The following TP73 variants were observed in gnomAD, a reference collection of about 807,000 sequenced individuals.
The protein encoded by TP73 is tumor protein p73.
TP73 carries 25 observed loss-of-function variants against 62.5 expected under a neutral mutation model. That is an observed-to-expected ratio of 0.40 (90% CI 0.29 to 0.56). The LOEUF is 0.56. Ranked by LOEUF, TP73 falls within the 20% of genes least tolerant of loss-of-function variation. The pLI is 0.46. For missense variants in TP73, 754 were observed against 913.3 expected (o/e 0.83, Z 2.25); for synonymous variants, 423 against 377.5 (o/e 1.12, Z -1.40).
At chr1:3,729,716 G>C in intron 10 of TP73, 1 of 780,082 alleles carries the variant, frequency 1.3e-6, no homozygotes, top group Non-Finnish European at 2.2e-6. Context: ...AGGCCAGGAG[G>C]GGTGGCCAGA....
chr1:3,690,964 C>T (rs764714682), intron 3 of TP73: 1 of 1,572,650 alleles, frequency 6.4e-7, no homozygotes, highest in South Asian at 1.2e-5. Context: ...ACGCGCCATT[C>T]ATAGGATCTC....
chr1:3,689,866 G>C (rs1645764296), intron 3 of TP73, among the ~76,000 whole-genome samples: 1 of 152,178 alleles, frequency 6.6e-6, no homozygotes, highest in South Asian at 2.1e-4. Context: ...TGCCCTGCCT[G>C]CTTCCAGGGG....
chr1:3,730,377 T>A (rs1375766561), intron 11 of TP73, among the ~76,000 whole-genome samples: 1 of 152,206 alleles, frequency 6.6e-6, no homozygotes, highest in Non-Finnish European at 1.5e-5. Context: ...GGAACCCACA[T>A]GCATGCACTG....
chr1:3,698,019 C>T (rs1278366297), intron 3 of TP73: 3 of 951,124 alleles, frequency 3.2e-6, no homozygotes, highest in Non-Finnish European at 3.8e-6. Context: ...GTTCTCGGCT[C>T]AGCCACCCAT....
Position 3,733,139 on chromosome 1 carries a change from C to T in TP73, c.*60C>T. 1.7e-5 allele frequency: 25 copies of T among 1,466,796 alleles called. No homozygotes were observed. The highest frequency in any genetic ancestry group is 2.0e-5 in the Non-Finnish European group (22 of 1,104,484). The allele number at this position is 1,466,796 out of a possible 1,614,324, so 90.9% of individuals were successfully genotyped here. On this transcript the variant is annotated 3_prime_UTR_variant, in exon 14 of 14. Transcript: ENST00000378295. ...AGAGACCCAAGCTGCCTCCCCTCTC[C>T]TTCCTGTGTGTCCAAAACTGCCTCA...
At position 3,730,879 on chromosome 1, in the gene TP73, G is replaced by A. The variant is rs183016578; in HGVS notation, c.1346-48G>A. On this transcript the variant is annotated intron_variant, in intron 11 of 13. Coordinates refer to ENST00000378295, the MANE Select transcript of TP73 (RefSeq NM_005427.4). ...TGGAGCCTGGGTGGAGGCTGCACCT[G>A]GATGCCCAGCCTGGCTGCCCTGATG... 1,944 of 1,541,266 alleles carry A rather than the reference G, an allele frequency of 1.3e-3. 21 individuals carry two copies. The African/African-American group carries it at 0.023, about 19-fold the overall frequency.
chr1:3,653,606 G>C (rs1479401896), intron 1 of TP73, among the ~76,000 whole-genome samples: 3 of 152,228 alleles, frequency 2.0e-5, no homozygotes, highest in Non-Finnish European at 4.4e-5. Flanking sequence ...TCACTGTCTG[G>C]ACATTTGGAA....
chr1:3,693,598 C>G (rs371998537), intron 3 of TP73, among the ~76,000 whole-genome samples: 1 of 152,104 alleles, frequency 6.6e-6, no homozygotes. Flanking sequence ...TGCTCGGCTG[C>G]GGGGCCCAAT....
At position 3,669,431 on chromosome 1, in the gene TP73, G is replaced by A. The variant is rs192052804; in HGVS notation, c.-33-12902G>A. Among the ~76,000 whole-genome samples, 223 of 152,338 alleles carry A rather than the reference G, an allele frequency of 1.5e-3. 1 individual carries two copies. The highest frequency in any genetic ancestry group is 5.1e-3 in the African/African-American group (213 of 41,578). ...GGGCTCCTCGTGTGACCCTAGGATC[G>A]GGGGCAGAAGTGGCTCTGGTACCGC... On this transcript the variant is annotated intron_variant, in intron 1 of 13. Transcript: ENST00000378295.
intron 1 of TP73, among the ~76,000 whole-genome samples, chr1:3,653,971 C>T (rs1644812823): frequency 6.6e-6 from 1 of 152,136 alleles, no homozygotes; most frequent in South Asian, 2.1e-4. Flanking sequence ...GTCAGGAGTT[C>T]GAGACCAGCC....
At chr1:3,723,275 G>A (rs1275101764) in intron 5 of TP73, 79 bp from the exon 6 acceptor site, 1 of 1,209,340 alleles carries the variant, frequency 8.3e-7, no homozygotes, top group Non-Finnish European at 1.2e-6. Flanking sequence ...ACCCGGCACA[G>A]GGCTGGGCAC....
At chr1:3,702,085 C>T (rs1472309779) in intron 3 of TP73, among the ~76,000 whole-genome samples, 3 of 152,222 alleles carry the variant, frequency 2.0e-5, no homozygotes, top group Non-Finnish European at 2.9e-5. Flanking sequence ...ACTTCCTGCC[C>T]ACCTTGTGGG....
At chr1:3,679,743 TGCC>T (rs1645470839) in intron 1 of TP73, among the ~76,000 whole-genome samples, 1 of 151,820 alleles carries the variant, frequency 6.6e-6, no homozygotes, top group African/African-American at 2.4e-5. Flanking sequence ...TGTCTCTCTC[TGCC>T]TTTGTCTCTC....
Position 3,666,225 on chromosome 1 carries a change from C to T in TP73, c.-34+13584C>T, listed in dbSNP as rs1051232967. ...GTGGTGCAGTCACAGCTGACCACAG[C>T]CTCCAACTGCTGGGCTCAGGCCATC... On this transcript the variant is annotated intron_variant, in intron 1 of 13. Coordinates refer to ENST00000378295, the MANE Select transcript of TP73 (RefSeq NM_005427.4). This position sits in a 1 kb window ranked among gnomAD's most constrained non-coding sequence, Gnocchi z 6.4. 4.6e-5 allele frequency among the ~76,000 whole-genome samples: 7 copies of T among 151,748 alleles called. No individual in the cohort carries two copies. The highest frequency in any genetic ancestry group is 2.0e-4 in the Admixed American group (3 of 15,248).
chr1:3,686,417 G>T (rs1049572938), intron 3 of TP73, among the ~76,000 whole-genome samples: 1 of 152,188 alleles, frequency 6.6e-6, no homozygotes, highest in Non-Finnish European at 1.5e-5. Flanking sequence ...TGAAGCTGGG[G>T]TGACAGGGGG....
At position 3,663,300 on chromosome 1, in the gene TP73, G is replaced by A. The variant is rs1255593105; in HGVS notation, c.-34+10659G>A. On this transcript the variant is annotated intron_variant, in intron 1 of 13. Coordinates refer to ENST00000378295, the MANE Select transcript of TP73 (RefSeq NM_005427.4). This position sits in a 1 kb window ranked among gnomAD's most constrained non-coding sequence, Gnocchi z 4.7. Reference sequence around the variant, plus strand: ...ACAAGTTAACAAGAGGGCCGTGCAGGCTTATTTACGAGAAGTTCCATGTGA... The same window carrying A: ...ACAAGTTAACAAGAGGGCCGTGCAGACTTATTTACGAGAAGTTCCATGTGA... Among the ~76,000 whole-genome samples the A allele has an allele frequency of 6.6e-6, 1 of 152,222 alleles. No homozygotes were observed. The highest frequency in any genetic ancestry group is 2.4e-5 in the African/African-American group (1 of 41,454).
intron 1 of TP73, among the ~76,000 whole-genome samples, chr1:3,677,575 T>C (rs1645401299): frequency 1.3e-5 from 2 of 152,108 alleles, no homozygotes; most frequent in South Asian, 4.1e-4. Flanking sequence ...AGCTCCCCAA[T>C]GACCACCCCC....
chr1:3,657,625 G>A lies in TP73; in HGVS notation c.-34+4984G>A, dbSNP rs551106147. ...TTTAAAACATTCTCCCGGACAAGGC[G>A]TCTGAGATTCCCCAGGCTGCCAGAG... On this transcript the variant is annotated intron_variant, in intron 1 of 13. Coordinates refer to ENST00000378295, the MANE Select transcript of TP73 (RefSeq NM_005427.4). Among the ~76,000 whole-genome samples, 70 of 152,334 alleles carry A rather than the reference G, an allele frequency of 4.6e-4. 1 individual carries two copies. The South Asian group carries it at 8.9e-3, about 19-fold the overall frequency.
At chr1:3,710,969 C>T (rs889242252) in intron 4 of TP73, among the ~76,000 whole-genome samples, 5 of 152,178 alleles carry the variant, frequency 3.3e-5, no homozygotes, top group Admixed American at 1.3e-4. Flanking sequence ...TGTTTAGCCA[C>T]GAGAGTGTAA....
Sources: gnomAD v4.1 joint callset for allele counts (sites outside exome capture counted in the v4.1 genomes callset) on GRCh38, gnomAD v4.1.1 for gene constraint, Gnocchi (gnomAD v3.1) non-coding constraint, MANE v1.5 for transcripts, NCBI Gene and HGNC (gene_info 2026-07-23, HGNC 2026-07-21) for gene names.